Variants in HOOK1 observed in about 807,000 individuals in gnomAD.
HOOK1 encodes hook microtubule tethering protein 1.
In HOOK1, 60 loss-of-function variants were observed where a neutral mutation model predicts 112.8. That is an observed-to-expected ratio of 0.53 (90% CI 0.43 to 0.66). The LOEUF is 0.66. HOOK1 is among the 30% of genes least tolerant of loss of function. The pLI is 0.00. For synonymous variants in HOOK1, 294 were observed against 283.8 expected (o/e 1.04, Z -0.36); for missense variants, 770 against 856.0 (o/e 0.90, Z 1.25).
chr1:59,818,821 TGGA>T (rs779855590), intron 1 of HOOK1, among the ~76,000 whole-genome samples: 49 of 152,164 alleles, frequency 3.2e-4, no homozygotes, highest in Non-Finnish European at 5.9e-4. Flanking sequence ...AATGAGCAGC[TGGA>T]GGAGGAGAAT....
At chr1:59,844,445 T>G (rs931195983) in intron 9 of HOOK1, among the ~76,000 whole-genome samples, 1 of 151,928 alleles carries the variant, frequency 6.6e-6, no homozygotes, top group Non-Finnish European at 1.5e-5. Flanking sequence ...CTCATTTCAT[T>G]TCTGTTAGTA....
At chr1:59,838,952 G>C (rs1168331879) in intron 7 of HOOK1, among the ~76,000 whole-genome samples, 1 of 152,098 alleles carries the variant, frequency 6.6e-6, no homozygotes, top group African/African-American at 2.4e-5. Flanking sequence ...TATTAAATAG[G>C]GAATCTTTTC....
chr1:59,851,900 A>T (rs1247943887), intron 12 of HOOK1, among the ~76,000 whole-genome samples: 1 of 151,664 alleles, frequency 6.6e-6, no homozygotes, highest in African/African-American at 2.4e-5. Context: ...GGATTTTGTC[A>T]GATGCTTTTT....
intron 12 of HOOK1, among the ~76,000 whole-genome samples, chr1:59,857,865 C>T (rs191639069): frequency 5.7e-4 from 86 of 152,170 alleles, no homozygotes; most frequent in African/African-American, 1.4e-3. Flanking sequence ...GGTGTTTTTC[C>T]GCCAATGTGT....
At chr1:59,872,672 T>C (rs555744253) in intron 21 of HOOK1, 123 bp from the exon 22 acceptor site, 2 of 551,636 alleles carry the variant, frequency 3.6e-6, no homozygotes, top group Non-Finnish European at 5.6e-6. Context: ...TTATTTTCTA[T>C]AAAAATGAGG....
rs533286570 is a variant in HOOK1, at chr1:59,847,687, C to T, written c.929+502C>T. ...TGTTACTCAGTGAACAGTCTGTCCA[C>T]GTGATCTTTATTTTTTTTGTTAATT... On this transcript the variant is annotated intron_variant, in intron 10 of 21. Transcript: ENST00000371208. Among the ~76,000 whole-genome samples, 8 of 151,650 alleles carry T rather than the reference C, an allele frequency of 5.3e-5. No homozygotes were observed. In the East Asian group the frequency reaches 7.7e-4, roughly 15 times the overall value.
chr1:59,871,557 T>A (rs1644055547), intron 21 of HOOK1, among the ~76,000 whole-genome samples: 1 of 151,900 alleles, frequency 6.6e-6, no homozygotes, highest in South Asian at 2.1e-4. Flanking sequence ...TATTACTTTA[T>A]TTTTTTTATC....
intron 16 of HOOK1, 41 bp downstream of exon 16, chr1:59,862,918 C>A: frequency 2.6e-6 from 3 of 1,146,962 alleles, no homozygotes; most frequent in Non-Finnish European, 4.0e-6. Context: ...CTGTGTATGG[C>A]TTTTCTTTAA....
intron 3 of HOOK1, among the ~76,000 whole-genome samples, chr1:59,829,055 C>A (rs973357242): frequency 6.6e-6 from 1 of 152,036 alleles, no homozygotes; most frequent in Admixed American, 6.6e-5. Flanking sequence ...GCACTTCAGG[C>A]CCATTCTCTA....
intron 18 of HOOK1, 96 bp downstream of exon 18, chr1:59,865,341 C>G (rs1000480108): frequency 4.2e-5 from 29 of 691,088 alleles, no homozygotes; most frequent in Admixed American, 2.6e-4. Flanking sequence ...AGTTTTTGCA[C>G]AATGTGTAGA....
intron 9 of HOOK1, among the ~76,000 whole-genome samples, chr1:59,845,470 A>G (rs1350491525): frequency 6.6e-6 from 1 of 151,850 alleles, no homozygotes; most frequent in Non-Finnish European, 1.5e-5. Flanking sequence ...ATCATGTGCA[A>G]TTAGGATCCG....
chr1:59,865,036 C>A (rs1297448796), intron 17 of HOOK1, 127 bp from the exon 18 acceptor site: 1 of 655,068 alleles, frequency 1.5e-6, no homozygotes, highest in East Asian at 2.6e-5. Flanking sequence ...CTCATGACAA[C>A]CCCTGCAGTC....
At chr1:59,830,968 T>G (rs1402790984) in intron 3 of HOOK1, among the ~76,000 whole-genome samples, 1 of 151,094 alleles carries the variant, frequency 6.6e-6, no homozygotes, top group Non-Finnish European at 1.5e-5. Context: ...TGGTGCAATC[T>G]CAGCTCACTG....
In HOOK1 at chr1:59,858,480, G is replaced by A. The variant is rs778737900; in HGVS notation, c.1295G>A (p.Cys432Tyr). The change falls in exon 13 of 22, where the codon TGT becomes TAT. Residue 432 changes from cysteine to tyrosine, a missense_variant. This residue lies in a region of HOOK1 where 655 missense variants were observed against 725.9 expected (regional missense o/e 0.90). Transcript: ENST00000371208. ...TLKETNEELR[C>Y]SQVQQDHLNQ... ...AAAGAAACAAATGAAGAGCTTCGAT[G>A]TTCACAAGTACAACAGGACCACCTA... 6.8e-6 allele frequency: 11 copies of A among 1,613,322 alleles called. No homozygotes were observed. The highest frequency in any genetic ancestry group is 9.3e-6 in the Non-Finnish European group (11 of 1,179,302).
intron 9 of HOOK1, 126 bp downstream of exon 9, chr1:59,843,724 A>G (rs2098402203): frequency 5.8e-6 from 4 of 690,790 alleles, no homozygotes; most frequent in African/African-American, 5.5e-5. Flanking sequence ...TAAGCTCCTG[A>G]AAATACCAGA....
chr1:59,857,275 A>G (rs2098411214), intron 12 of HOOK1, among the ~76,000 whole-genome samples: 1 of 150,950 alleles, frequency 6.6e-6, no homozygotes, highest in Admixed American at 6.6e-5. Flanking sequence ...TGGCTGCTAG[A>G]GCTGCTGGTT....
intron 1 of HOOK1, among the ~76,000 whole-genome samples, chr1:59,821,104 A>G (rs1356248539): frequency 1.3e-5 from 2 of 152,180 alleles, no homozygotes; most frequent in Non-Finnish European, 2.9e-5. Context: ...GAATCATAGT[A>G]TATTTAACTT....
Position 59,849,840 on chromosome 1 carries a change from C to T in HOOK1, c.1242+657C>T, listed in dbSNP as rs142065745. 2.8e-4 allele frequency among the ~76,000 whole-genome samples: 43 copies of T among 151,720 alleles called. 1 individual carries two copies. The East Asian group carries it at 5.8e-3, about 20-fold the overall frequency. On this transcript the variant is annotated intron_variant, in intron 12 of 21. Coordinates refer to ENST00000371208, the MANE Select transcript of HOOK1 (RefSeq NM_015888.6). ...AATAATGCCCCATTGTATGGACATA[C>T]GGCATTTTGTTTATCCATTCACCAG...
At position 59,873,395 on chromosome 1, in the gene HOOK1, C is replaced by A. The variant is rs1644087946; in HGVS notation, c.*430C>A. The A allele has an allele frequency of 1.3e-5, 2 of 152,140 alleles. No individual in the cohort carries two copies. The highest frequency in any genetic ancestry group is 4.8e-5 in the African/African-American group (2 of 41,362). 9.4% of individuals were successfully genotyped at this position (152,140 alleles called of 1,614,324 possible). On this transcript the variant is annotated 3_prime_UTR_variant, in exon 22 of 22. Transcript: ENST00000371208. ...TTTTGTTGATTTATATGAAAACAGT[C>A]TTGAGGCAGGGACATGGAGAACTAT...
Sources: gnomAD v4.1 joint callset for allele counts (sites outside exome capture counted in the v4.1 genomes callset) on GRCh38, gnomAD v4.1.1 for gene constraint, gnomAD v4.1.1 regional missense constraint, MANE v1.5 for transcripts, NCBI Gene and HGNC (gene_info 2026-07-23, HGNC 2026-07-21) for gene names.